Variants in VAPB observed in about 807,000 individuals in gnomAD.
VAPB encodes vesicle-associated membrane protein-associated protein B/C.
VAPB carries 7 observed loss-of-function variants against 25.6 expected under a neutral mutation model. That is an observed-to-expected ratio of 0.27 (90% CI 0.16 to 0.51). VAPB has a LOEUF of 0.51. VAPB is among the 20% of genes least tolerant of loss of function. The pLI, the probability that VAPB is intolerant of heterozygous loss-of-function variation, is 0.97. For synonymous variants in VAPB, 112 were observed against 109.2 expected (o/e 1.03, Z -0.16); for missense variants, 266 against 301.3 (o/e 0.88, Z 0.87).
Position 58,445,398 on chromosome 20 carries a change from A to G in VAPB, c.*1163A>G, listed in dbSNP as rs1989260179. 1 of 454,470 alleles carries G rather than the reference A, an allele frequency of 2.2e-6. No homozygotes were observed. The highest frequency in any genetic ancestry group is 2.0e-5 in the African/African-American group (1 of 49,988). The allele number at this position is 454,470 out of a possible 1,614,324, so 28.2% of individuals were successfully genotyped here. ...AGGGCACCAGCAGTTGTGGGTGGGG[A>G]GCAAGGGAAGAGAGAAACTCTTCAG... On this transcript the variant is annotated 3_prime_UTR_variant, in exon 6 of 6. Transcript: ENST00000475243.
chr20:58,433,038 G>A (rs538882322), intron 2 of VAPB, among the ~76,000 whole-genome samples: 1 of 152,238 alleles, frequency 6.6e-6, no homozygotes, highest in South Asian at 2.1e-4. Context: ...CCAATGCATG[G>A]TTAGGTCTCA....
Position 58,445,016 on chromosome 20 carries a change from T to C in VAPB, c.*781T>C, listed in dbSNP as rs1242819342. The C allele has an allele frequency of 2.2e-6, 1 of 454,848 alleles. No individual in the cohort carries two copies. The highest frequency in any genetic ancestry group is 6.9e-5 in the East Asian group (1 of 14,398). 28.2% of individuals were successfully genotyped at this position (454,848 alleles called of 1,614,324 possible). A position where few individuals can be genotyped will look rare whatever the true frequency, so the allele number is the denominator to read the frequency against. ...GAGTACAGTTAATGCTGCGTGCTGC[T>C]GAACTCTGTTGGGTGAACTGGTATT... On this transcript the variant is annotated 3_prime_UTR_variant, in exon 6 of 6. Coordinates refer to ENST00000475243, the MANE Select transcript of VAPB (RefSeq NM_004738.5).
At chr20:58,419,576 TG>T (rs1988624448) in intron 2 of VAPB, among the ~76,000 whole-genome samples, 1 of 152,174 alleles carries the variant, frequency 6.6e-6, no homozygotes, top group African/African-American at 2.4e-5. Context: ...AGTAGACTGG[TG>T]GTCATAGCAT....
At chr20:58,440,831 A>G in intron 4 of VAPB, 76 bp from the exon 5 acceptor site, 1 of 1,420,308 alleles carries the variant, frequency 7.0e-7, no homozygotes, top group Non-Finnish European at 9.8e-7. Context: ...GTTTGCTGAG[A>G]ACTACTTTAC....
chr20:58,434,645 A>G lies in VAPB; in HGVS notation c.255A>G (p.Lys85=). Residue 85 remains lysine, a synonymous_variant, in exon 3 of 6, where the codon AAA becomes AAG. Coordinates refer to ENST00000475243, the MANE Select transcript of VAPB (RefSeq NM_004738.5). ...PFDYDPNEKS[K]HKFMVQSMFA... is the part of the protein sequence containing the mutation. ...ATTATGATCCCAATGAGAAAAGTAA[A>G]CACAAGTTTATGGTTCAGTCTATGT... The G allele has an allele frequency of 6.2e-7, 1 of 1,601,592 alleles. No homozygotes were observed. The highest frequency in any genetic ancestry group is 8.6e-7 in the Non-Finnish European group (1 of 1,168,984).
chr20:58,444,748 CAG>C lies in VAPB; in HGVS notation c.*516_*517del. 4.4e-6 allele frequency: 2 copies of C among 454,542 alleles called. No individual in the cohort carries two copies. Among genetic ancestry groups the C allele is most frequent in the Non-Finnish European group, 8.8e-6 (2 of 226,826 alleles). The allele number at this position is 454,542 out of a possible 1,614,324, so 28.2% of individuals were successfully genotyped here. A position where few individuals can be genotyped will look rare whatever the true frequency, so the allele number is the denominator to read the frequency against. On this transcript the variant is annotated 3_prime_UTR_variant, in exon 6 of 6. Transcript: ENST00000475243. ...CCATCAGCTCCTTGGGACTGATGAA[CAG>C]AGTCAGAAGCCCAAAGGAATTGCAC... is the stretch of plus-strand genomic sequence containing the variant.
rs144509866 is a variant in VAPB at position 58,430,650 on chromosome 20, A to G, written c.212-3952A>G. ...GAGTGCAGTGGCGCCGTCTTGGCTCACTGCAATCTCCACCTCGCAGGTTTA... is the reference window on the plus strand; with the variant it reads ...GAGTGCAGTGGCGCCGTCTTGGCTCGCTGCAATCTCCACCTCGCAGGTTTA... On this transcript the variant is annotated intron_variant, in intron 2 of 5. Coordinates refer to ENST00000475243, the MANE Select transcript of VAPB (RefSeq NM_004738.5). 7.1e-3 allele frequency among the ~76,000 whole-genome samples: 1,067 copies of G among 151,188 alleles called. 15 individuals carry two copies. Among genetic ancestry groups the G allele is most frequent in the African/African-American group, 0.025 (1,011 of 41,118 alleles).
intron 1 of VAPB, among the ~76,000 whole-genome samples, chr20:58,400,949 A>G (rs1355873907): frequency 6.6e-6 from 1 of 152,222 alleles, no homozygotes; most frequent in African/African-American, 2.4e-5. Flanking sequence ...TGGATGAAGG[A>G]GAGCCATGGC....
intron 2 of VAPB, among the ~76,000 whole-genome samples, chr20:58,422,748 T>C (rs1988694869): frequency 6.6e-6 from 1 of 152,170 alleles, no homozygotes; most frequent in Non-Finnish European, 1.5e-5. Context: ...TAATATGATA[T>C]TAAGTTTAAT....
chr20:58,409,185 A>G (rs1287480020), intron 1 of VAPB, among the ~76,000 whole-genome samples: 3 of 132,590 alleles, frequency 2.3e-5, no homozygotes, highest in African/African-American at 8.4e-5. Context: ...GTAATGAACA[A>G]GAGGGACAAA....
In VAPB at chr20:58,450,153, T is replaced by C. The variant is rs1449387815; in HGVS notation, c.*5918T>C. The C allele has an allele frequency of 2.2e-6, 1 of 453,962 alleles. No individual in the cohort carries two copies. The highest frequency in any genetic ancestry group is 4.4e-6 in the Non-Finnish European group (1 of 226,786). 28.1% of individuals were successfully genotyped at this position (453,962 alleles called of 1,614,324 possible). A position where few individuals can be genotyped will look rare whatever the true frequency, so the allele number is the denominator to read the frequency against. Reference sequence around the variant, plus strand: ...GAACTGGCTGCCTGCATTCCCGTCTTTCTTTTGTTTTTAAGAAATAGACTG... The same window carrying C: ...GAACTGGCTGCCTGCATTCCCGTCTCTCTTTTGTTTTTAAGAAATAGACTG... On this transcript the variant is annotated 3_prime_UTR_variant, in exon 6 of 6. Coordinates refer to ENST00000475243, the MANE Select transcript of VAPB (RefSeq NM_004738.5).
chr20:58,393,872 A>T (rs539182077), intron 1 of VAPB, among the ~76,000 whole-genome samples: 5 of 152,234 alleles, frequency 3.3e-5, no homozygotes, highest in African/African-American at 1.2e-4. Flanking sequence ...AGCTGGGATT[A>T]CAGGCATGCG....
rs1170428067 is a variant in VAPB, at chr20:58,447,108, C to T, written c.*2873C>T. On this transcript the variant is annotated 3_prime_UTR_variant, in exon 6 of 6. Coordinates refer to ENST00000475243, the MANE Select transcript of VAPB (RefSeq NM_004738.5). ...AGTCTGCTCCTGTGGTTACTGGCTC[C>T]ACAGCACCTCAGAGAGGGCGGCCCT... 12 of 454,086 alleles carry T rather than the reference C, an allele frequency of 2.6e-5. No homozygotes were observed. The East Asian group carries it at 7.6e-4, about 29-fold the overall frequency. The allele number at this position is 454,086 out of a possible 1,614,324, so 28.1% of individuals were successfully genotyped here. A position where few individuals can be genotyped will look rare whatever the true frequency, so the allele number is the denominator to read the frequency against.
chr20:58,435,203 A>G (rs988972907), intron 3 of VAPB, among the ~76,000 whole-genome samples: 4 of 151,714 alleles, frequency 2.6e-5, no homozygotes, highest in African/African-American at 4.8e-5. Flanking sequence ...GCTTAAATCT[A>G]TGTTTAACTT....
In VAPB at chr20:58,444,468, A is replaced by C; in HGVS notation, c.*233A>C. The C allele has an allele frequency of 1.5e-6, 1 of 664,056 alleles. No homozygotes were observed. Among genetic ancestry groups the C allele is most frequent in the South Asian group, 1.5e-5 (1 of 66,696 alleles). 41.1% of individuals were successfully genotyped at this position (664,056 alleles called of 1,614,324 possible). ...TAACTGATTGAGGGGGAAAAGAATGATCTTTATTAATGACAAGGGAAACCA... is the reference window on the plus strand; with the variant it reads ...TAACTGATTGAGGGGGAAAAGAATGCTCTTTATTAATGACAAGGGAAACCA... On this transcript the variant is annotated 3_prime_UTR_variant, in exon 6 of 6. Transcript: ENST00000475243.
chr20:58,442,458 G>T (rs1024449357), intron 5 of VAPB, among the ~76,000 whole-genome samples: 65 of 151,600 alleles, frequency 4.3e-4, no homozygotes, highest in Admixed American at 7.2e-4. Context: ...AGTTTGCCGG[G>T]TTTTTTTTTA....
chr20:58,389,634 G>A, intron 1 of VAPB, 117 bp downstream of exon 1: 4 of 1,144,184 alleles, frequency 3.5e-6, no homozygotes, highest in Non-Finnish European at 4.6e-6. Context: ...GCGCTGTCGC[G>A]GGGGGCGGCG....
chr20:58,430,856 G>A (rs201477848), intron 2 of VAPB, among the ~76,000 whole-genome samples: 18 of 152,314 alleles, frequency 1.2e-4, no homozygotes, highest in Non-Finnish European at 1.5e-4. Flanking sequence ...GATTACAGGC[G>A]TGAGCCACTG....
intron 1 of VAPB, among the ~76,000 whole-genome samples, chr20:58,400,040 C>T (rs1456643471): frequency 6.6e-6 from 1 of 152,174 alleles, no homozygotes; most frequent in Non-Finnish European, 1.5e-5. Context: ...TTATGGCCAT[C>T]TCCATTTTAG....
Sources: allele counts gnomAD v4.1 joint callset (sites outside exome capture counted in the v4.1 genomes callset), GRCh38; gene constraint gnomAD v4.1.1; transcripts MANE v1.5; gene names NCBI Gene and HGNC (gene_info 2026-07-23, HGNC 2026-07-21).